FBXL20: variants seen among roughly 807,000 people sequenced by gnomAD.
FBXL20 encodes F-box/LRR-repeat protein 20.
Under a neutral mutation model 64.0 loss-of-function variants are expected in FBXL20, and 11 were observed. That is an observed-to-expected ratio of 0.17 (90% CI 0.11 to 0.28). The LOEUF is 0.28. Ranked by LOEUF, FBXL20 falls within the 10% of genes least tolerant of loss-of-function variation. The pLI is 1.00. For synonymous variants in FBXL20, 184 were observed against 189.0 expected, an observed-to-expected ratio of 0.97 and a Z score of 0.22; for missense variants, 303 against 526.2, an observed-to-expected ratio of 0.58 and a Z score of 4.15.
At chr17:39,356,618 G>A (rs1002754473) in intron 1 of FBXL20, among the ~76,000 whole-genome samples, 3 of 151,932 alleles carry the variant, frequency 2.0e-5, no homozygotes, top group African/African-American at 4.8e-5. Context: ...GGCCTCCCAG[G>A]CGGCTAGGAT....
intron 2 of FBXL20, among the ~76,000 whole-genome samples, chr17:39,315,866 A>AGAGAGAGAGAGAGAGC (rs1167410862): frequency 6.0e-5 from 8 of 132,650 alleles, no homozygotes; most frequent in Non-Finnish European, 1.1e-4. Context: ...AGAGAGAGAG[A>AGAGAGAGAGAGAGAGC]GAGAGCAACT....
At chr17:39,398,313 A>G (rs925593634) in intron 1 of FBXL20, among the ~76,000 whole-genome samples, 19 of 152,072 alleles carry the variant, frequency 1.2e-4, no homozygotes, top group South Asian at 1.2e-3. Context: ...CAACAACAAC[A>G]AAAAGCTAGA....
chr17:39,400,577 A>G (rs1393030962), intron 1 of FBXL20, among the ~76,000 whole-genome samples: 3 of 152,156 alleles, frequency 2.0e-5, no homozygotes, highest in Non-Finnish European at 4.4e-5. Context: ...AGTAGTTACA[A>G]TATTTCACTT....
At chr17:39,279,138 C>T (rs954652858) in intron 9 of FBXL20, among the ~76,000 whole-genome samples, 22 of 151,928 alleles carry the variant, frequency 1.4e-4, no homozygotes, top group East Asian at 5.9e-4. Flanking sequence ...AGCGAGACTC[C>T]GTCTCTAAAT....
chr17:39,271,976 C>A (rs1043872759), intron 10 of FBXL20, among the ~76,000 whole-genome samples: 1 of 151,998 alleles, frequency 6.6e-6, no homozygotes, highest in South Asian at 2.1e-4. Flanking sequence ...TGGCGGGGTG[C>A]GGTGGCTCAC....
At chr17:39,352,682 GA>G (rs11373643) in intron 1 of FBXL20, among the ~76,000 whole-genome samples, 129 of 122,672 alleles carry the variant, frequency 1.1e-3, no homozygotes, top group Non-Finnish European at 1.2e-3. Flanking sequence ...CTCTGTCTGG[GA>G]AAAAAAAAAA....
At chr17:39,357,057 C>T (rs953073144) in intron 1 of FBXL20, among the ~76,000 whole-genome samples, 14 of 151,002 alleles carry the variant, frequency 9.3e-5, no homozygotes, top group African/African-American at 4.9e-5. Flanking sequence ...GGTGGATCAC[C>T]GAGGTTGGGA....
At chr17:39,281,937 A>C (rs1208682638) in intron 8 of FBXL20, among the ~76,000 whole-genome samples, 1 of 152,198 alleles carries the variant, frequency 6.6e-6, no homozygotes. Flanking sequence ...ATGGTAAGTA[A>C]CTGATTATAA....
At chr17:39,341,116 T>G (rs551607246) in intron 2 of FBXL20, among the ~76,000 whole-genome samples, 4 of 152,096 alleles carry the variant, frequency 2.6e-5, no homozygotes, top group African/African-American at 9.6e-5. Flanking sequence ...AATACATTCA[T>G]AAGTATTAAG....
chr17:39,320,292 T>C (rs2047343419), intron 2 of FBXL20, among the ~76,000 whole-genome samples: 1 of 152,112 alleles, frequency 6.6e-6, no homozygotes, highest in Admixed American at 6.6e-5. Flanking sequence ...ATTAAAAAAA[T>C]ATGTTTATAG....
Position 39,382,831 on chromosome 17 carries a change from G to T in FBXL20, c.42+18530C>A, listed in dbSNP as rs562623660. On this transcript the variant is annotated intron_variant, in intron 1 of 14. Transcript: ENST00000264658. ...TCTAGCCTGGGTGAGAGAGTGAGAC[G>T]TTGTCTCTAATAAGATAAACTAAAT... Among the ~76,000 whole-genome samples, 340 of 151,916 alleles carry T rather than the reference G, an allele frequency of 2.2e-3. 2 individuals carry two copies. The highest frequency in any genetic ancestry group is 7.7e-3 in the African/African-American group (321 of 41,428).
At chr17:39,274,398 C>T (rs1235889601) in intron 10 of FBXL20, among the ~76,000 whole-genome samples, 2 of 152,158 alleles carry the variant, frequency 1.3e-5, no homozygotes, top group African/African-American at 4.8e-5. Flanking sequence ...GTGGCTTTCA[C>T]CTGTAATCTC....
chr17:39,336,953 T>C (rs184002243), intron 2 of FBXL20, among the ~76,000 whole-genome samples: 3 of 149,878 alleles, frequency 2.0e-5, no homozygotes, highest in Non-Finnish European at 4.4e-5. Context: ...GACCTCTCCC[T>C]CTCCCTCCTC....
intron 2 of FBXL20, among the ~76,000 whole-genome samples, chr17:39,321,965 A>C (rs1194559502): frequency 1.3e-5 from 2 of 152,096 alleles, no homozygotes; most frequent in African/African-American, 2.4e-5. Context: ...TCCCAGTTAG[A>C]ACCAGCAGTA....
At chr17:39,284,025 T>C (rs2046968895) in intron 7 of FBXL20, among the ~76,000 whole-genome samples, 1 of 152,176 alleles carries the variant, frequency 6.6e-6, no homozygotes, top group African/African-American at 2.4e-5. Flanking sequence ...CTCTCTGTTT[T>C]CCCAAAACTG....
At chr17:39,399,627 CTTTT>C (rs1197540928) in intron 1 of FBXL20, among the ~76,000 whole-genome samples, 1 of 151,926 alleles carries the variant, frequency 6.6e-6, no homozygotes, top group East Asian at 1.9e-4. Flanking sequence ...CCACCTTATT[CTTTT>C]TTTTACCTTC....
intron 1 of FBXL20, among the ~76,000 whole-genome samples, chr17:39,345,591 A>G (rs2047625215): frequency 6.6e-6 from 1 of 152,034 alleles, no homozygotes; most frequent in Non-Finnish European, 1.5e-5. Context: ...CCCAAGCTGG[A>G]GTGCAATAGC....
rs547875903 is a variant in FBXL20 at position 39,365,856 on chromosome 17, G to T, written c.43-22615C>A. Reference sequence around the variant, plus strand: ...TTTGAAGTTATGAAGTGAAAGGAAAGAAACTAAAATTCAAAGTGACAATAT... The same window carrying T: ...TTTGAAGTTATGAAGTGAAAGGAAATAAACTAAAATTCAAAGTGACAATAT... On this transcript the variant is annotated intron_variant, in intron 1 of 14. Coordinates refer to ENST00000264658, the MANE Select transcript of FBXL20 (RefSeq NM_032875.3). Among the ~76,000 whole-genome samples, 55 of 152,218 alleles carry T rather than the reference G, an allele frequency of 3.6e-4. 1 individual carries two copies. The highest frequency in any genetic ancestry group is 1.2e-3 in the African/African-American group (48 of 41,544).
At chr17:39,371,468 G>C (rs1387927565) in intron 1 of FBXL20, among the ~76,000 whole-genome samples, 1 of 152,010 alleles carries the variant, frequency 6.6e-6, no homozygotes, top group South Asian at 2.1e-4. Flanking sequence ...TCTACAGCTA[G>C]ATGAGGGAAG....
Sources: allele counts gnomAD v4.1 joint callset (sites outside exome capture counted in the v4.1 genomes callset), GRCh38; gene constraint gnomAD v4.1.1; transcripts MANE v1.5; gene names NCBI Gene and HGNC (gene_info 2026-07-23, HGNC 2026-07-21).